Variants in EBF2 observed in about 807,000 individuals in gnomAD.
EBF2 encodes transcription factor COE2.
Under a neutral mutation model 72.8 loss-of-function variants are expected in EBF2, and 21 were observed. The ratio of observed to expected loss-of-function variants is 0.29; its 90% CI spans 0.20 to 0.42. The LOEUF (loss-of-function observed/expected upper bound fraction) is 0.42, where lower values mean the gene tolerates loss of function less well. EBF2 is among the 10% of genes least tolerant of loss of function. The pLI is 1.00. For synonymous variants in EBF2, 299 were observed against 274.2 expected, an observed-to-expected ratio of 1.09 and a Z score of -0.89; for missense variants, 637 against 731.2, an observed-to-expected ratio of 0.87 and a Z score of 1.49.
At chr8:26,023,105 C>T (rs1285202141) in intron 6 of EBF2, among the ~76,000 whole-genome samples, 1 of 152,170 alleles carries the variant, frequency 6.6e-6, no homozygotes, top group African/African-American at 2.4e-5. Context: ...ACTCTCTTAG[C>T]TGGGTCAAAA....
At chr8:25,892,627 T>A (rs1303456325) in intron 7 of EBF2, among the ~76,000 whole-genome samples, 1 of 152,170 alleles carries the variant, frequency 6.6e-6, no homozygotes, top group Non-Finnish European at 1.5e-5. Context: ...ATTTTTAGCA[T>A]AATAGGTTTG....
chr8:25,920,534 A>G (rs953065038), intron 6 of EBF2, among the ~76,000 whole-genome samples: 1 of 152,164 alleles, frequency 6.6e-6, no homozygotes, highest in Non-Finnish European at 1.5e-5. Context: ...TGCCTACCCA[A>G]TTTCAAACTA....
At chr8:26,042,544 A>G (rs1008757011) in intron 1 of EBF2, among the ~76,000 whole-genome samples, 3 of 151,884 alleles carry the variant, frequency 2.0e-5, no homozygotes, top group Admixed American at 1.3e-4. Flanking sequence ...CGAAACCGAA[A>G]GACCCCGGCT....
chr8:25,858,595 G>T, intron 13 of EBF2, 91 bp from the exon 14 acceptor site: 2 of 1,302,888 alleles, frequency 1.5e-6, no homozygotes, highest in Non-Finnish European at 2.1e-6. Context: ...GCCCCAGACT[G>T]CAGAATGTCA....
Position 25,919,524 on chromosome 8 carries a change from T to G in EBF2, c.552-10969A>C, listed in dbSNP as rs552307581. On this transcript the variant is annotated intron_variant, in intron 6 of 15. Transcript: ENST00000520164. Reference sequence around the variant, plus strand: ...TGTGTTTAGCTTTCTATTAATTCAGTTTTTTATAGTGAGTCTATAAAAAGA... The same window carrying G: ...TGTGTTTAGCTTTCTATTAATTCAGGTTTTTATAGTGAGTCTATAAAAAGA... Among the ~76,000 whole-genome samples the G allele has an allele frequency of 2.3e-4, 35 of 152,312 alleles. 2 individuals carry two copies. In the South Asian group the frequency reaches 7.2e-3, roughly 32 times the overall value.
chr8:26,022,976 C>T (rs544814786), intron 6 of EBF2, among the ~76,000 whole-genome samples: 100 of 152,184 alleles, frequency 6.6e-4, no homozygotes, highest in Non-Finnish European at 1.1e-3. Flanking sequence ...GATTCTAATT[C>T]GCAAACAAAT....
At chr8:25,855,397 G>GA (rs1294944155) in intron 14 of EBF2, among the ~76,000 whole-genome samples, 1 of 152,002 alleles carries the variant, frequency 6.6e-6, no homozygotes, top group Non-Finnish European at 1.5e-5. Flanking sequence ...ATGTAAAATT[G>GA]AAAAAACATC....
intron 7 of EBF2, among the ~76,000 whole-genome samples, chr8:25,894,837 G>A (rs1396891660): frequency 6.6e-6 from 1 of 152,174 alleles, no homozygotes; most frequent in Non-Finnish European, 1.5e-5. Flanking sequence ...TTTAAAAGAA[G>A]CAAATGTAGT....
chr8:25,866,980 A>AG (rs1406545110), intron 10 of EBF2, among the ~76,000 whole-genome samples: 2 of 152,276 alleles, frequency 1.3e-5, no homozygotes, highest in East Asian at 3.9e-4. Flanking sequence ...AATTCATGGA[A>AG]GTAATGTATC....
rs59820523 is a variant in EBF2 at position 25,986,001 on chromosome 8, C to CAAAAA, written c.551+47079_551+47083dup. On this transcript the variant is annotated intron_variant, in intron 6 of 15. Transcript: ENST00000520164. ...CGGGTGACAGAGTGAAACTCTGTCT[C>CAAAAA]AAAAAAAAAAAAAAAAAAAAAAAAG... Among the ~76,000 whole-genome samples the CAAAAA allele has an allele frequency of 6.0e-4, 17 of 28,558 alleles. 4 individuals are homozygous for CAAAAA. The highest frequency in any genetic ancestry group is 2.2e-3 in the African/African-American group (12 of 5,526). 18.7% of individuals were successfully genotyped at this position (28,558 alleles called of 152,430 possible).
At chr8:25,854,098 G>A (rs183717324) in intron 14 of EBF2, among the ~76,000 whole-genome samples, 1 of 152,130 alleles carries the variant, frequency 6.6e-6, no homozygotes, top group East Asian at 1.9e-4. Context: ...GGAAAATCTC[G>A]ATTTCTTTGG....
At chr8:25,922,471 A>G (rs887903266) in intron 6 of EBF2, among the ~76,000 whole-genome samples, 1 of 152,242 alleles carries the variant, frequency 6.6e-6, no homozygotes, top group Non-Finnish European at 1.5e-5. Flanking sequence ...TGAGTCAAAT[A>G]AGAAAAGCTT....
intron 6 of EBF2, among the ~76,000 whole-genome samples, chr8:25,991,619 G>C (rs983272688): frequency 6.6e-6 from 1 of 152,176 alleles, no homozygotes; most frequent in African/African-American, 2.4e-5. Flanking sequence ...GTCGAGGCGG[G>C]CAGATCACTT....
intron 6 of EBF2, among the ~76,000 whole-genome samples, chr8:26,000,229 A>AT (rs1292186204): frequency 1.3e-5 from 2 of 152,130 alleles, no homozygotes; most frequent in Non-Finnish European, 2.9e-5. Context: ...ACAAAGGGTG[A>AT]TGTATATATT....
chr8:26,026,500 T>C (rs558500700), intron 6 of EBF2, among the ~76,000 whole-genome samples: 7 of 152,308 alleles, frequency 4.6e-5, no homozygotes, highest in Admixed American at 4.6e-4. Context: ...AGTGAAATGT[T>C]CTTGGGCCCA....
At position 26,034,092 on chromosome 8, in the gene EBF2, T is replaced by C. The variant is rs561291196; in HGVS notation, c.483-939A>G. ...ACGAGAGGAAGGAAAATATGTAAAA[T>C]AGACTGCAAGTGGCTGCCAGGATTA... On this transcript the variant is annotated intron_variant, in intron 5 of 15. Transcript: ENST00000520164. Among the ~76,000 whole-genome samples, 4 of 152,320 alleles carry C rather than the reference T, an allele frequency of 2.6e-5. No homozygotes were observed. The South Asian group carries it at 6.2e-4, about 24-fold the overall frequency.
chr8:25,879,713 G>T (rs1802576813), intron 10 of EBF2, among the ~76,000 whole-genome samples: 1 of 152,080 alleles, frequency 6.6e-6, no homozygotes, highest in South Asian at 2.1e-4. Flanking sequence ...CTTTAATCCT[G>T]CATGCTGGTG....
intron 14 of EBF2, 174 bp downstream of exon 14, chr8:25,858,145 C>CAA: frequency 1.2e-6 from 1 of 843,960 alleles, no homozygotes; most frequent in East Asian, 2.7e-5. Flanking sequence ...CCACGTGAGC[C>CAA]AAAGTCCAGC....
At chr8:25,855,026 G>T (rs1802059263) in intron 14 of EBF2, among the ~76,000 whole-genome samples, 1 of 152,152 alleles carries the variant, frequency 6.6e-6, no homozygotes, top group African/African-American at 2.4e-5. Context: ...ACTGCAGAGA[G>T]AACCATTTTA....
Sources: gnomAD v4.1 joint callset for allele counts (sites outside exome capture counted in the v4.1 genomes callset) on GRCh38, gnomAD v4.1.1 for gene constraint, MANE v1.5 for transcripts, NCBI Gene and HGNC (gene_info 2026-07-23, HGNC 2026-07-21) for gene names.